Variants in CLIC5 observed in about 807,000 individuals in gnomAD.
CLIC5 encodes the protein CLIC family member 5.
In CLIC5, 20 loss-of-function variants were observed where a neutral mutation model predicts 24.7. The observed-to-expected ratio is 0.81, with a 90% CI of 0.57 to 1.18. CLIC5 has a LOEUF of 1.18. Among genes scored for constraint, CLIC5 ranks in the 50% most tolerant of loss-of-function variants. The pLI is 0.00. For missense variants in CLIC5, 341 were observed against 326.1 expected (o/e 1.05, Z -0.35); for synonymous variants, 159 against 135.6 (o/e 1.17, Z -1.20).
At chr6:45,890,259 C>T (rs926181926) in intron 6 of CLIC5, among the ~76,000 whole-genome samples, 9 of 151,986 alleles carry the variant, frequency 5.9e-5, no homozygotes, top group South Asian at 4.2e-4. Context: ...TGTCTATTTT[C>T]GCTTTCATTT....
At chr6:46,091,153 T>G in the CLIC5 span, among the ~76,000 whole-genome samples, 1 of 152,232 alleles carries the variant, frequency 6.6e-6, no homozygotes, top group Non-Finnish European at 1.5e-5. Context: ...TAAGGTATTT[T>G]AACACATGTA....
rs5875942 is a variant in CLIC5, at chr6:45,891,633, C to CAA, written c.624-10447_624-10446dup. ...CTGGTGACAGAGCAAGATTTCATTT[C>CAA]AAAAAAAAAAAAAAAGAATGTGTAT... is the stretch of plus-strand genomic sequence containing the variant. On this transcript the variant is annotated intron_variant, in intron 6 of 6. Transcript: ENST00000644324. 4.1e-3 allele frequency among the ~76,000 whole-genome samples: 513 copies of CAA among 126,590 alleles called. 3 individuals are homozygous for CAA. Among genetic ancestry groups the CAA allele is most frequent in the East Asian group, 9.2e-3 (41 of 4,464 alleles). The allele number at this position is 126,590 out of a possible 152,430, so 83.0% of individuals were successfully genotyped here.
chr6:46,100,131 TCA>T, the CLIC5 span, among the ~76,000 whole-genome samples: 1 of 152,158 alleles, frequency 6.6e-6, no homozygotes, highest in African/African-American at 2.4e-5. Flanking sequence ...ATGATATGTA[TCA>T]GTTAGTTAAC....
chr6:45,939,949 T>C (rs1426658714), intron 4 of CLIC5, among the ~76,000 whole-genome samples: 2 of 151,980 alleles, frequency 1.3e-5, no homozygotes, highest in Admixed American at 6.6e-5. Context: ...AGATTGAAAG[T>C]ACTTTCCACA....
At chr6:45,887,348 G>C (rs926838331) in intron 6 of CLIC5, among the ~76,000 whole-genome samples, 1 of 152,128 alleles carries the variant, frequency 6.6e-6, no homozygotes, top group East Asian at 1.9e-4. Context: ...GCTAGCCCCA[G>C]GTTTTCCTTG....
chr6:46,000,024 A>G (rs1457203806), intron 1 of CLIC5, among the ~76,000 whole-genome samples: 1 of 25,754 alleles, frequency 3.9e-5, no homozygotes, highest in African/African-American at 1.7e-4. Flanking sequence ...TGCTGGGATT[A>G]CAGGCGTGAG....
chr6:46,112,393 C>G, the CLIC5 span, among the ~76,000 whole-genome samples: 2 of 152,160 alleles, frequency 1.3e-5, no homozygotes, highest in Non-Finnish European at 2.9e-5. Context: ...CTAGCTACTC[C>G]CATCTTTTCC....
chr6:46,016,315 C>A (rs191853576), upstream of CLIC5, among the ~76,000 whole-genome samples: 1 of 152,100 alleles, frequency 6.6e-6, no homozygotes, highest in African/African-American at 2.4e-5. Context: ...CCAGCCTTAC[C>A]CACTTGGAAA....
intron 5 of CLIC5, among the ~76,000 whole-genome samples, chr6:45,909,832 C>T (rs530274547): frequency 9.2e-5 from 14 of 152,176 alleles, no homozygotes; most frequent in Non-Finnish European, 1.9e-4. Flanking sequence ...TTCTACCTTG[C>T]TTTCATTTTC....
chr6:46,075,402 TACAAACAA>T (rs563829035), intron 1 of CLIC5, among the ~76,000 whole-genome samples: 9 of 151,910 alleles, frequency 5.9e-5, no homozygotes, highest in South Asian at 2.1e-4. Flanking sequence ...ACCCTGTCTC[TACAAACAA>T]ACAAACAAAC....
the CLIC5 span, among the ~76,000 whole-genome samples, chr6:46,098,848 T>G: frequency 3.9e-5 from 6 of 152,262 alleles, no homozygotes; most frequent in South Asian, 1.2e-3. Context: ...GGGTTTTAAG[T>G]GTGAACTGGA....
chr6:46,031,204 C>A (rs575685232), intron 1 of CLIC5, among the ~76,000 whole-genome samples: 1 of 152,154 alleles, frequency 6.6e-6, no homozygotes, highest in African/African-American at 2.4e-5. Flanking sequence ...ATAATATAAG[C>A]AGTGCATTTA....
the CLIC5 span, among the ~76,000 whole-genome samples, chr6:46,094,824 T>A: frequency 6.6e-6 from 1 of 152,172 alleles, no homozygotes; most frequent in Non-Finnish European, 1.5e-5. Flanking sequence ...AGTACCCCAA[T>A]AAGGACTCTG....
At chr6:46,110,058 G>GGCTCCTT in the CLIC5 span, among the ~76,000 whole-genome samples, 5 of 152,068 alleles carry the variant, frequency 3.3e-5, no homozygotes, top group African/African-American at 1.2e-4. Context: ...TAGACTTGCT[G>GGCTCCTT]GCTCCTTGCT....
At chr6:46,089,060 A>G in the CLIC5 span, among the ~76,000 whole-genome samples, 1 of 152,168 alleles carries the variant, frequency 6.6e-6, no homozygotes, top group African/African-American at 2.4e-5. Context: ...TACTCAATTG[A>G]TCTATGCATA....
At position 45,941,409 on chromosome 6, in the gene CLIC5, T is replaced by TG. The variant is rs1764126131; in HGVS notation, c.406+137dup. 3 of 582,064 alleles carry TG rather than the reference T, an allele frequency of 5.2e-6. No homozygotes were observed. In the Admixed American group the frequency reaches 7.6e-5, roughly 15 times the overall value. 36.1% of individuals were successfully genotyped at this position (582,064 alleles called of 1,614,324 possible). A position where few individuals can be genotyped will look rare whatever the true frequency, so the allele number is the denominator to read the frequency against. On this transcript the variant is annotated intron_variant, in intron 4 of 5. Transcript: ENST00000339561. Reference sequence around the variant, plus strand: ...GGGACAAGATGGTGGTGGCGGGGGGTGGGGGCAAATAATAAGCAGTATTGG... The same window carrying TG: ...GGGACAAGATGGTGGTGGCGGGGGGTGGGGGGCAAATAATAAGCAGTATTGG...
chr6:46,007,023 C>A (rs932199880), intron 1 of CLIC5, among the ~76,000 whole-genome samples: 1 of 152,150 alleles, frequency 6.6e-6, no homozygotes, highest in African/African-American at 2.4e-5. Flanking sequence ...CTTCTCCATG[C>A]TCCCTCCTCT....
At chr6:45,962,966 C>G (rs913229254) in intron 1 of CLIC5, among the ~76,000 whole-genome samples, 1 of 152,236 alleles carries the variant, frequency 6.6e-6, no homozygotes, top group Admixed American at 6.5e-5. Flanking sequence ...GCTTCACACA[C>G]TCTCTGAGAA....
intron 1 of CLIC5, among the ~76,000 whole-genome samples, chr6:46,002,970 G>T (rs1766414993): frequency 6.6e-6 from 1 of 152,324 alleles, no homozygotes; most frequent in South Asian, 2.1e-4. Flanking sequence ...TAAGCTACAA[G>T]GGGCTGGGTA....
Sources: gnomAD v4.1 joint callset for allele counts (sites outside exome capture counted in the v4.1 genomes callset) on GRCh38, gnomAD v4.1.1 for gene constraint, MANE v1.5 for transcripts, NCBI Gene and HGNC (gene_info 2026-07-23, HGNC 2026-07-21) for gene names.